The following PTPN4 variants were observed in gnomAD, a reference collection of about 807,000 sequenced individuals.
The protein encoded by PTPN4 is protein tyrosine phosphatase non-receptor type 4, also known as tyrosine-protein phosphatase non-receptor type 4.
In PTPN4, 49 loss-of-function variants were observed where a neutral mutation model predicts 135.5. The ratio of observed to expected loss-of-function variants is 0.36; its 90% CI spans 0.29 to 0.46. PTPN4 has a LOEUF of 0.46. Among genes scored for constraint, PTPN4 ranks in the 20% least tolerant of loss-of-function variants. The pLI is 1.00. For synonymous variants in PTPN4, 333 were observed against 369.9 expected (o/e 0.90, Z 1.14); for missense variants, 860 against 1,101.0 (o/e 0.78, Z 3.10).
chr2:119,824,154 AG>A (rs1418780687), intron 2 of PTPN4, among the ~76,000 whole-genome samples: 1 of 152,166 alleles, frequency 6.6e-6, no homozygotes, highest in Non-Finnish European at 1.5e-5. Context: ...TGTTATGGCT[AG>A]AGAACATACT....
intron 8 of PTPN4, among the ~76,000 whole-genome samples, chr2:119,883,604 G>A (rs1054146245): frequency 6.6e-6 from 1 of 152,100 alleles, no homozygotes; most frequent in African/African-American, 2.4e-5. Context: ...GTTGCGTATT[G>A]GCTAAGAGTC....
chr2:119,870,414 T>C (rs942509980), intron 3 of PTPN4, among the ~76,000 whole-genome samples: 3 of 152,310 alleles, frequency 2.0e-5, no homozygotes, highest in Admixed American at 2.0e-4. Context: ...TCAGCACTAT[T>C]TCAGTTTCAT....
rs569793375 is a variant in PTPN4 at position 119,888,448 on chromosome 2, C to G, written c.675+2566C>G. ...CAGTTCTTAGGGGGAACAATTTCAA[C>G]TTTTCTGTGTTCAGTATGATGTTGA... is the stretch of plus-strand genomic sequence containing the variant. On this transcript the variant is annotated intron_variant, in intron 9 of 26. Transcript: ENST00000263708. Among the ~76,000 whole-genome samples, 5 of 152,164 alleles carry G rather than the reference C, an allele frequency of 3.3e-5. No individual in the cohort carries two copies. In the South Asian group the frequency reaches 1.0e-3, roughly 32 times the overall value.
intron 15 of PTPN4, among the ~76,000 whole-genome samples, chr2:119,941,098 G>A (rs891758349): frequency 6.6e-6 from 1 of 152,142 alleles, no homozygotes; most frequent in Non-Finnish European, 1.5e-5. Context: ...ATACTTGGCA[G>A]ATTTTTGTGT....
intron 24 of PTPN4, among the ~76,000 whole-genome samples, chr2:119,964,491 T>A (rs2105061026): frequency 6.6e-6 from 1 of 152,352 alleles, no homozygotes; most frequent in East Asian, 1.9e-4. Context: ...CTGATTTCCA[T>A]AATTTCATCT....
intron 19 of PTPN4, 135 bp downstream of exon 19, chr2:119,952,264 AC>A: frequency 1.3e-6 from 1 of 751,824 alleles, no homozygotes; most frequent in Non-Finnish European, 2.0e-6. Context: ...TTTCATTGAC[AC>A]GTGGAGCAGA....
chr2:119,919,196 G>A (rs1196004516), intron 11 of PTPN4, among the ~76,000 whole-genome samples: 1 of 152,134 alleles, frequency 6.6e-6, no homozygotes, highest in Non-Finnish European at 1.5e-5. Flanking sequence ...TATGGGATGT[G>A]AATGTTGCTA....
chr2:119,974,663 G>A (rs938547546), intron 26 of PTPN4, among the ~76,000 whole-genome samples: 1 of 152,100 alleles, frequency 6.6e-6, no homozygotes, highest in Non-Finnish European at 1.5e-5. Flanking sequence ...TGTACATCTT[G>A]TGCCCCTGAT....
chr2:119,929,292 T>C (rs1384810874), intron 13 of PTPN4, among the ~76,000 whole-genome samples: 1 of 152,112 alleles, frequency 6.6e-6, no homozygotes, highest in Non-Finnish European at 1.5e-5. Context: ...AATTCTCTAA[T>C]GGTTTTAGTA....
At chr2:119,893,131 A>G (rs932270871) in intron 9 of PTPN4, among the ~76,000 whole-genome samples, 3 of 152,170 alleles carry the variant, frequency 2.0e-5, no homozygotes, top group South Asian at 2.1e-4. Context: ...AAATATAACA[A>G]TGACTTTTGT....
intron 23 of PTPN4, among the ~76,000 whole-genome samples, chr2:119,961,736 C>T (rs1198043056): frequency 6.6e-6 from 1 of 152,176 alleles, no homozygotes; most frequent in African/African-American, 2.4e-5. Context: ...ATACATACTA[C>T]AGCATGGGTA....
At chr2:119,888,284 A>G (rs1011995799) in intron 9 of PTPN4, among the ~76,000 whole-genome samples, 3 of 152,150 alleles carry the variant, frequency 2.0e-5, no homozygotes, top group Non-Finnish European at 2.9e-5. Context: ...AGATCATATC[A>G]TCAGCAAAAA....
chr2:119,903,234 T>G (rs1258705501), intron 10 of PTPN4, among the ~76,000 whole-genome samples: 2 of 151,914 alleles, frequency 1.3e-5, no homozygotes, highest in Non-Finnish European at 2.9e-5. Context: ...GCAACTCACA[T>G]CCTCCGGCAG....
chr2:119,832,824 CT>C (rs1440158469), intron 2 of PTPN4, among the ~76,000 whole-genome samples: 1 of 151,916 alleles, frequency 6.6e-6, no homozygotes, highest in Non-Finnish European at 1.5e-5. Context: ...TGTGATTTGC[CT>C]TTATACATTC....
rs573954947 is a variant in PTPN4, at chr2:119,881,748, C to G, written c.369-38C>G. ...TCTTAGAATTGAAATTGTTACAATT[C>G]TATTAAATGCTATCCTTTTTGTTTG... On this transcript the variant is annotated intron_variant, in intron 5 of 26. Transcript: ENST00000263708. 1.5e-5 allele frequency: 21 copies of G among 1,370,594 alleles called. No homozygotes were observed. In the South Asian group the frequency reaches 2.7e-4, roughly 17 times the overall value. 84.9% of individuals were successfully genotyped at this position (1,370,594 alleles called of 1,614,324 possible). A position where few individuals can be genotyped will look rare whatever the true frequency, so the allele number is the denominator to read the frequency against.
chr2:119,770,820 T>A (rs1302245475), intron 1 of PTPN4, among the ~76,000 whole-genome samples: 1 of 152,050 alleles, frequency 6.6e-6, no homozygotes, highest in African/African-American at 2.4e-5. Context: ...GAACTAGTGC[T>A]CCCTGAAGCA....
intron 2 of PTPN4, among the ~76,000 whole-genome samples, chr2:119,838,032 G>C (rs917197492): frequency 6.6e-6 from 1 of 152,264 alleles, no homozygotes; most frequent in African/African-American, 2.4e-5. Context: ...CTTCCTTCCA[G>C]TAGGAAATAT....
chr2:119,793,748 C>T (rs1466611383), intron 1 of PTPN4, among the ~76,000 whole-genome samples: 2 of 151,036 alleles, frequency 1.3e-5, no homozygotes, highest in African/African-American at 4.9e-5. Flanking sequence ...TCCCTCTGTT[C>T]GGGGTCCCTG....
intron 2 of PTPN4, among the ~76,000 whole-genome samples, chr2:119,834,975 CACTGACTT>C (rs1677270057): frequency 6.6e-6 from 1 of 152,072 alleles, no homozygotes; most frequent in Admixed American, 6.6e-5. Flanking sequence ...AAAAATTTTC[CACTGACTT>C]ACATATAGAC....
Sources: allele counts gnomAD v4.1 joint callset (sites outside exome capture counted in the v4.1 genomes callset), GRCh38; gene constraint gnomAD v4.1.1; transcripts MANE v1.5; gene names NCBI Gene and HGNC (gene_info 2026-07-23, HGNC 2026-07-21).